The following TRPC6 variants were observed in gnomAD, a reference collection of about 807,000 sequenced individuals.
TRPC6 encodes the protein short transient receptor potential channel 6.
A neutral mutation model predicts 90.7 loss-of-function variants in TRPC6; 55 were observed. That is an observed-to-expected ratio of 0.61 (90% CI 0.49 to 0.76). TRPC6 has a LOEUF of 0.76. Ranked by LOEUF, TRPC6 falls within the 30% of genes least tolerant of loss-of-function variation. The pLI is 0.00. For synonymous variants in TRPC6, 393 were observed against 393.0 expected (o/e 1.00, Z 0.00); for missense variants, 989 against 1,122.7 (o/e 0.88, Z 1.70).
chr11:101,522,105 G>A (rs1472106255), intron 1 of TRPC6, among the ~76,000 whole-genome samples: 1 of 152,180 alleles, frequency 6.6e-6, no homozygotes, highest in Admixed American at 6.5e-5. Flanking sequence ...AGAAGGACAT[G>A]AGATTTGGGA....
chr11:101,545,699 A>G (rs1861287620), intron 1 of TRPC6, among the ~76,000 whole-genome samples: 1 of 152,218 alleles, frequency 6.6e-6, no homozygotes, highest in South Asian at 2.1e-4. Context: ...AATTTAGCTA[A>G]CACATTAGGA....
intron 5 of TRPC6, among the ~76,000 whole-genome samples, chr11:101,479,650 C>T (rs1216318838): frequency 6.6e-6 from 1 of 152,082 alleles, no homozygotes; most frequent in East Asian, 1.9e-4. Flanking sequence ...AAAATAAATA[C>T]CAATGTCAGA....
chr11:101,484,641 G>A (rs1276680700), intron 4 of TRPC6, among the ~76,000 whole-genome samples: 5 of 145,532 alleles, frequency 3.4e-5, no homozygotes, highest in Admixed American at 7.0e-5. Context: ...GTGTGTATGA[G>A]TGCAGTTGTC....
chr11:101,458,686 A>G (rs1461663486), intron 10 of TRPC6, among the ~76,000 whole-genome samples: 1 of 151,408 alleles, frequency 6.6e-6, no homozygotes, highest in Non-Finnish European at 1.5e-5. Context: ...TGACCTTTAG[A>G]GTTAAAGGAT....
chr11:101,551,258 T>G (rs1861442722), intron 1 of TRPC6, among the ~76,000 whole-genome samples: 1 of 151,990 alleles, frequency 6.6e-6, no homozygotes, highest in Non-Finnish European at 1.5e-5. Flanking sequence ...TTAAATGAAT[T>G]CAAAGGACTA....
intron 10 of TRPC6, among the ~76,000 whole-genome samples, chr11:101,456,388 C>T (rs1340688073): frequency 5.3e-5 from 8 of 152,114 alleles, no homozygotes; most frequent in Admixed American, 6.6e-5. Context: ...AATGGGAACC[C>T]TGGCTTTGAA....
chr11:101,455,193 T>C (rs771051495), intron 10 of TRPC6, 92 bp from the exon 11 acceptor site: 71 of 990,688 alleles, frequency 7.2e-5, no homozygotes, highest in Non-Finnish European at 1.0e-4. Context: ...CTAATAGTCT[T>C]ACATACACAA....
chr11:101,553,931 T>C (rs1245412239), intron 1 of TRPC6, among the ~76,000 whole-genome samples: 1 of 152,090 alleles, frequency 6.6e-6, no homozygotes, highest in African/African-American at 2.4e-5. Context: ...CTAGATGCCG[T>C]TGTAAGTGTT....
Position 101,504,368 on chromosome 11 carries a change from G to A in TRPC6, c.601C>T (p.Leu201Phe). 9 of 1,614,150 alleles carry A rather than the reference G, an allele frequency of 5.6e-6. No individual in the cohort carries two copies. The highest frequency in any genetic ancestry group is 7.6e-6 in the Non-Finnish European group (9 of 1,180,016). Residue 201 changes from leucine to phenylalanine, a missense_variant, in exon 2 of 13, where the codon CTC becomes TTC. By Grantham distance (22) the Leu-to-Phe change is conservative (BLOSUM62 0). Coordinates refer to ENST00000344327, the MANE Select transcript of TRPC6 (RefSeq NM_004621.6). Reference protein sequence around the residue: ...RLATSPSQSELQQDDFYAYDE... With the variant: ...RLATSPSQSEFQQDDFYAYDE... ...TAGGCATAAAAATCATCTTGCTGGAGTTCAGACTGGCTAGGGCTGGTTGCT... is the reference window on the plus strand; with the variant it reads ...TAGGCATAAAAATCATCTTGCTGGAATTCAGACTGGCTAGGGCTGGTTGCT...
intron 1 of TRPC6, among the ~76,000 whole-genome samples, chr11:101,550,016 G>C (rs1861415811): frequency 6.6e-6 from 1 of 151,544 alleles, no homozygotes; most frequent in African/African-American, 2.4e-5. Flanking sequence ...GACACAGAAA[G>C]TGGAACAGTC....
intron 1 of TRPC6, among the ~76,000 whole-genome samples, chr11:101,550,709 A>G (rs1306772929): frequency 6.6e-6 from 1 of 151,780 alleles, no homozygotes; most frequent in Non-Finnish European, 1.5e-5. Context: ...TAAAACACAA[A>G]CAGATTAAGT....
intron 5 of TRPC6, among the ~76,000 whole-genome samples, chr11:101,478,390 C>T (rs1025348598): frequency 3.3e-5 from 5 of 152,036 alleles, no homozygotes; most frequent in Admixed American, 2.6e-4. Context: ...CTGTCAGCCT[C>T]ACGAGGAGAT....
intron 1 of TRPC6, among the ~76,000 whole-genome samples, chr11:101,542,408 G>A (rs549473348): frequency 1.3e-5 from 2 of 152,164 alleles, no homozygotes; most frequent in Non-Finnish European, 2.9e-5. Context: ...GACAGATCTA[G>A]CTTTGTTAGG....
chr11:101,458,497 G>A (rs1858934148), intron 10 of TRPC6, among the ~76,000 whole-genome samples: 1 of 152,196 alleles, frequency 6.6e-6, no homozygotes, highest in African/African-American at 2.4e-5. Context: ...GTTTACACAT[G>A]TAATAGACTA....
chr11:101,565,058 A>T (rs140642127), intron 1 of TRPC6, among the ~76,000 whole-genome samples: 1 of 152,250 alleles, frequency 6.6e-6, no homozygotes, highest in East Asian at 1.9e-4. Context: ...CCATACACAA[A>T]AATCAGCTCA....
At chr11:101,467,141 G>C (rs187127368) in intron 10 of TRPC6, among the ~76,000 whole-genome samples, 1 of 152,184 alleles carries the variant, frequency 6.6e-6, no homozygotes, top group Admixed American at 6.5e-5. Context: ...GACCAGAGCT[G>C]TTCCTATTCG....
intron 2 of TRPC6, among the ~76,000 whole-genome samples, chr11:101,494,185 A>G (rs1025051035): frequency 5.9e-5 from 9 of 152,182 alleles, no homozygotes; most frequent in Non-Finnish European, 1.3e-4. Context: ...CATGTCCACT[A>G]TACTATAGTA....
At chr11:101,573,921 C>CATGTGT (rs376995104) in intron 1 of TRPC6, among the ~76,000 whole-genome samples, 2 of 132,064 alleles carry the variant, frequency 1.5e-5, no homozygotes, top group East Asian at 2.2e-4. Context: ...GAAACAAATA[C>CATGTGT]GTGTGTGTGT....
chr11:101,555,819 C>G (rs1488444266), intron 1 of TRPC6, among the ~76,000 whole-genome samples: 1 of 151,984 alleles, frequency 6.6e-6, no homozygotes, highest in African/African-American at 2.4e-5. Context: ...AAGAACAGTG[C>G]ACACAAACAT....
Sources: allele counts gnomAD v4.1 joint callset (sites outside exome capture counted in the v4.1 genomes callset), GRCh38; gene constraint gnomAD v4.1.1; transcripts MANE v1.5; gene names NCBI Gene and HGNC (gene_info 2026-07-23, HGNC 2026-07-21).